Variants in ENOX1 observed in about 807,000 individuals in gnomAD.
The protein encoded by ENOX1 is candidate growth-related and time keeping constitutive hydroquinone (NADH) oxidase.
A neutral mutation model predicts 82.5 loss-of-function variants in ENOX1; 42 were observed. The observed-to-expected ratio is 0.51, with a 90% CI of 0.40 to 0.66. The LOEUF is 0.66. Among genes scored for constraint, ENOX1 ranks in the 30% least tolerant of loss-of-function variants. The probability of loss-of-function intolerance (pLI) is 0.00; values close to 1 mark genes in which losing one functional copy is unlikely to be tolerated. For synonymous variants in ENOX1, 271 were observed against 282.2 expected (o/e 0.96, Z 0.40); for missense variants, 608 against 811.6 (o/e 0.75, Z 3.05).
chr13:43,627,272 G>A (rs986806378), intron 2 of ENOX1, among the ~76,000 whole-genome samples: 2 of 151,918 alleles, frequency 1.3e-5, no homozygotes, highest in Admixed American at 6.6e-5. Context: ...TGCATTTAAT[G>A]CAATTATTGA....
At chr13:43,630,963 T>C (rs948401699) in intron 2 of ENOX1, among the ~76,000 whole-genome samples, 7 of 152,060 alleles carry the variant, frequency 4.6e-5, no homozygotes, top group Non-Finnish European at 8.8e-5. Flanking sequence ...GTAATACATA[T>C]AATTAGATGG....
chr13:43,674,508 A>G (rs2085412552), intron 1 of ENOX1, among the ~76,000 whole-genome samples: 1 of 152,160 alleles, frequency 6.6e-6, no homozygotes. Context: ...TACCATTCCA[A>G]CTACATGACA....
intron 3 of ENOX1, among the ~76,000 whole-genome samples, chr13:43,449,598 G>T (rs969999894): frequency 6.6e-6 from 1 of 151,680 alleles, no homozygotes; most frequent in Non-Finnish European, 1.5e-5. Context: ...CTTTCATAAG[G>T]CAAAAGTTCA....
At chr13:43,701,243 A>G (rs1462954656) in intron 1 of ENOX1, among the ~76,000 whole-genome samples, 2 of 152,178 alleles carry the variant, frequency 1.3e-5, no homozygotes, top group Non-Finnish European at 1.5e-5. Flanking sequence ...GTGCATTTGT[A>G]AAAAATAACA....
At chr13:43,479,690 A>C (rs1293964396) in intron 3 of ENOX1, among the ~76,000 whole-genome samples, 1 of 152,236 alleles carries the variant, frequency 6.6e-6, no homozygotes, top group African/African-American at 2.4e-5. Flanking sequence ...GAAGTGCAAT[A>C]GAATGGAAAG....
chr13:43,617,896 TG>T lies in ENOX1; in HGVS notation c.-219+49582del, dbSNP rs869098154. 3.0e-3 allele frequency among the ~76,000 whole-genome samples: 295 copies of T among 98,180 alleles called. 1 individual carries two copies. The highest frequency in any genetic ancestry group is 6.4e-3 in the African/African-American group (231 of 35,958). The allele number at this position is 98,180 out of a possible 152,430, so 64.4% of individuals were successfully genotyped here. ...TCCACGTCAACATCTACTGGTTTGTTGTTGTTGTTGTTGTTGTTGTTATGGC... is the reference window on the plus strand; with the variant it reads ...TCCACGTCAACATCTACTGGTTTGTTTTGTTGTTGTTGTTGTTGTTATGGC... On this transcript the variant is annotated intron_variant, in intron 2 of 16. Transcript: ENST00000690772.
chr13:43,274,650 C>A (rs572621280), intron 12 of ENOX1, among the ~76,000 whole-genome samples: 1 of 152,294 alleles, frequency 6.6e-6, no homozygotes, highest in Admixed American at 6.5e-5. Flanking sequence ...GTAATTTTAA[C>A]ATTTGAGAGT....
rs573312491 is a variant in ENOX1 at position 43,213,956 on chromosome 13, G to C, written c.*34C>G. On this transcript the variant is annotated 3_prime_UTR_variant, in exon 17 of 17. Transcript: ENST00000690772. ...CGCACCGCCCTGGCCAGGTTCACAT[G>C]GTTTCATTTCCAGAGATGCTTTGCT... is the stretch of plus-strand genomic sequence containing the variant. 3.7e-6 allele frequency: 6 copies of C among 1,606,062 alleles called. No homozygotes were observed. In the South Asian group the frequency reaches 5.6e-5, roughly 15 times the overall value.
chr13:43,760,268 A>T (rs548114701), intron 1 of ENOX1, among the ~76,000 whole-genome samples: 1 of 152,368 alleles, frequency 6.6e-6, no homozygotes, highest in Non-Finnish European at 1.5e-5. Context: ...AACATTTCTA[A>T]AACCAAGTCC....
chr13:43,384,203 AATT>A (rs1172651528), intron 5 of ENOX1, among the ~76,000 whole-genome samples: 2 of 152,242 alleles, frequency 1.3e-5, no homozygotes, highest in East Asian at 1.9e-4. Context: ...AAATGCAAGC[AATT>A]ATTATTATTA....
chr13:43,370,843 C>G (rs1181757568), intron 5 of ENOX1, among the ~76,000 whole-genome samples: 2 of 152,114 alleles, frequency 1.3e-5, no homozygotes. Context: ...TCGCTCTCAT[C>G]TGGAGTACTG....
chr13:43,734,239 G>C (rs1473217237), intron 1 of ENOX1, among the ~76,000 whole-genome samples: 1 of 97,924 alleles, frequency 1.0e-5, no homozygotes, highest in Non-Finnish European at 2.3e-5. Flanking sequence ...TGTTGTTGTT[G>C]TTGTTTTAAT....
chr13:43,717,135 C>T (rs921526637), intron 1 of ENOX1, among the ~76,000 whole-genome samples: 2 of 152,146 alleles, frequency 1.3e-5, no homozygotes, highest in Admixed American at 6.5e-5. Flanking sequence ...TACCTGACTT[C>T]GAACTATACT....
At chr13:43,590,340 G>A (rs1173895642) in intron 2 of ENOX1, among the ~76,000 whole-genome samples, 2 of 151,974 alleles carry the variant, frequency 1.3e-5, no homozygotes. Flanking sequence ...TAAATTAGAG[G>A]TTATGAGGCA....
chr13:43,254,810 CAT>C (rs2043654225), intron 14 of ENOX1, among the ~76,000 whole-genome samples: 1 of 152,210 alleles, frequency 6.6e-6, no homozygotes, highest in East Asian at 1.9e-4. Flanking sequence ...TTCCTGGACA[CAT>C]ATAATCTACC....
chr13:43,490,700 T>C (rs987675586), intron 2 of ENOX1, among the ~76,000 whole-genome samples: 5 of 152,184 alleles, frequency 3.3e-5, no homozygotes, highest in Admixed American at 1.3e-4. Context: ...GGAATAACCA[T>C]CTTGGAAGAA....
chr13:43,709,353 CA>C (rs796767570), intron 1 of ENOX1, among the ~76,000 whole-genome samples: 3 of 151,472 alleles, frequency 2.0e-5, no homozygotes, highest in South Asian at 4.2e-4. Flanking sequence ...AACAAAGGAA[CA>C]AAAAAAGTAA....
chr13:43,583,902 C>T (rs1195604138), intron 2 of ENOX1, among the ~76,000 whole-genome samples: 1 of 151,300 alleles, frequency 6.6e-6, no homozygotes, highest in Admixed American at 6.6e-5. Flanking sequence ...TCTTTCCATA[C>T]TTAAACATTT....
At chr13:43,714,817 T>C (rs1437423788) in intron 1 of ENOX1, among the ~76,000 whole-genome samples, 1 of 152,208 alleles carries the variant, frequency 6.6e-6, no homozygotes, top group Non-Finnish European at 1.5e-5. Context: ...TCTCTGCAAG[T>C]GAGATGCGTT....
Sources: allele counts gnomAD v4.1 joint callset (sites outside exome capture counted in the v4.1 genomes callset), GRCh38; gene constraint gnomAD v4.1.1; transcripts MANE v1.5; gene names NCBI Gene and HGNC (gene_info 2026-07-23, HGNC 2026-07-21).